The following TBCD variants were observed in gnomAD, a reference collection of about 807,000 sequenced individuals.
The protein encoded by TBCD is tubulin-specific chaperone D.
A neutral mutation model predicts 169.3 loss-of-function variants in TBCD; 105 were observed. That is an observed-to-expected ratio of 0.62 (90% CI 0.53 to 0.73). TBCD has a LOEUF of 0.73. Among genes scored for constraint, TBCD ranks in the 30% least tolerant of loss-of-function variants. The pLI, the probability that TBCD is intolerant of heterozygous loss-of-function variation, is 0.00. For missense variants in TBCD, 1,444 were observed against 1,600.1 expected (o/e 0.90, Z 1.66); for synonymous variants, 700 against 643.9 (o/e 1.09, Z -1.32).
chr17:82,752,351 G>A lies in TBCD; in HGVS notation c.158G>A (p.Arg53His). The change falls in exon 1 of 39, where the codon CGC becomes CAC. Residue 53 changes from arginine to histidine, a missense_variant. Arg to His is a conservative substitution (Grantham distance 29, BLOSUM62 0). Coordinates refer to ENST00000355528, the MANE Select transcript of TBCD (RefSeq NM_005993.5). ...LREVHGGGAE[R>H]EVALERFRVI... ...GAGGTGCACGGCGGCGGCGCGGAGC[G>A]CGAGGTGGCCCTGGAGCGGTTCCGC... 1 of 1,402,520 alleles carries A rather than the reference G, an allele frequency of 7.1e-7. No homozygotes were observed. Among genetic ancestry groups the A allele is most frequent in the Non-Finnish European group, 9.2e-7 (1 of 1,091,010 alleles). 86.9% of individuals were successfully genotyped at this position (1,402,520 alleles called of 1,614,324 possible). A position where few individuals can be genotyped will look rare whatever the true frequency, so the allele number is the denominator to read the frequency against.
At chr17:82,927,798 G>T in intron 29 of TBCD, 107 bp from the exon 30 acceptor site, 3 of 919,926 alleles carry the variant, frequency 3.3e-6, no homozygotes, top group Non-Finnish European at 5.2e-6. Flanking sequence ...TCTGTGTGGG[G>T]TTAGTCACGG....
At chr17:82,871,096 C>G (rs1420638337) in intron 14 of TBCD, among the ~76,000 whole-genome samples, 3 of 152,216 alleles carry the variant, frequency 2.0e-5, no homozygotes, top group East Asian at 3.9e-4. Context: ...ATCACCAGAA[C>G]CCCAGAAGCT....
chr17:82,929,351 C>T lies in TBCD; in HGVS notation c.2853-11C>T, dbSNP rs763953973. 6.2e-7 allele frequency: 1 copy of T among 1,611,774 alleles called. No homozygotes were observed. Among genetic ancestry groups the T allele is most frequent in the Non-Finnish European group, 8.5e-7 (1 of 1,178,474 alleles). On this transcript the variant is annotated splice_polypyrimidine_tract_variant and intron_variant, in intron 31 of 38. Transcript: ENST00000355528. ...TGGCAGCCCGGCCTTGTCTCACTCA[C>T]TCTCTTGCAGGTCCGATGTGGCCTC...
intron 13 of TBCD, among the ~76,000 whole-genome samples, chr17:82,854,450 G>A (rs1283025737): frequency 6.6e-6 from 1 of 152,216 alleles, no homozygotes; most frequent in Non-Finnish European, 1.5e-5. Context: ...GCTCCACATG[G>A]GCGAGACCTG....
chr17:82,889,611 C>G lies in TBCD; in HGVS notation c.1534-57C>G, dbSNP rs2058990010. 5 of 1,611,254 alleles carry G rather than the reference C, an allele frequency of 3.1e-6. No homozygotes were observed. The South Asian group carries it at 4.4e-5, about 14-fold the overall frequency. The stretch of plus-strand genomic sequence containing the variant: ...TGTGCTGTTTGTTCTGAACTTGCCT[C>G]TGGTGTTGGCGGAAGCTGACCTCGC... On this transcript the variant is annotated intron_variant, in intron 15 of 38. Coordinates refer to ENST00000355528, the MANE Select transcript of TBCD (RefSeq NM_005993.5). This position sits in a 1 kb window ranked among gnomAD's most constrained non-coding sequence, Gnocchi z 5.3.
chr17:82,862,270 C>G (rs1054082871), intron 13 of TBCD, among the ~76,000 whole-genome samples: 1 of 152,192 alleles, frequency 6.6e-6, no homozygotes, highest in Non-Finnish European at 1.5e-5. Context: ...TTATTTCCAT[C>G]ATTTTATATT....
At chr17:82,819,636 T>A (rs2052239945) in intron 13 of TBCD, among the ~76,000 whole-genome samples, 1 of 152,194 alleles carries the variant, frequency 6.6e-6, no homozygotes, top group Admixed American at 6.5e-5. Flanking sequence ...TGAGCCATGA[T>A]CGCAGTGCTG....
intron 2 of TBCD, among the ~76,000 whole-genome samples, chr17:82,758,382 C>CGG (rs201306976): frequency 3.7e-4 from 2 of 5,380 alleles, no homozygotes; most frequent in Admixed American, 2.8e-3. Flanking sequence ...GAAAACGTCT[C>CGG]GGAAAAAAAA....
chr17:82,782,278 G>C lies in TBCD; in HGVS notation c.771+557G>C, dbSNP rs2048997714. Reference sequence around the variant, plus strand: ...TGTGCTAACGAGGAGGAAAGGTCAAGTCTCAGAAGAGGGCAAAGCCTCTTT... The same window carrying C: ...TGTGCTAACGAGGAGGAAAGGTCAACTCTCAGAAGAGGGCAAAGCCTCTTT... On this transcript the variant is annotated intron_variant, in intron 7 of 38. Transcript: ENST00000355528. The surrounding 1 kb of genome is among the most constrained non-coding windows in gnomAD (Gnocchi z 5.1). 6.6e-6 allele frequency among the ~76,000 whole-genome samples: 1 copy of C among 152,188 alleles called. No homozygotes were observed. Among genetic ancestry groups the C allele is most frequent in the Middle Eastern group, 3.2e-3 (1 of 316 alleles).
rs768872489 is a variant in TBCD, at chr17:82,766,315, G to C, written c.382G>C (p.Asp128His). The C allele has an allele frequency of 3.4e-5, 55 of 1,613,208 alleles. No homozygotes were observed. The highest frequency in any genetic ancestry group is 1.3e-4 in the East Asian group (6 of 44,892). The part of the protein sequence containing the change: ...FLRLFPHEVA[D>H]VEPVLDLVTI... ...TCGTTTATTTCCTCATGAAGTTGCC[G>C]ATGTAGAGCCTGTTTTAGATTTGGT... Residue 128 changes from aspartate to histidine, a missense_variant, in exon 4 of 39, where the codon GAT becomes CAT. Transcript: ENST00000355528.
intron 13 of TBCD, among the ~76,000 whole-genome samples, chr17:82,863,277 C>A (rs764431852): frequency 3.9e-5 from 6 of 152,136 alleles, no homozygotes; most frequent in Non-Finnish European, 7.4e-5. Flanking sequence ...AGAAGCATTT[C>A]TTCCCAGGGC....
chr17:82,766,418 TCCTC>T, intron 4 of TBCD, 50 bp downstream of exon 4: 2 of 1,406,508 alleles, frequency 1.4e-6, no homozygotes, highest in Non-Finnish European at 2.0e-6. Context: ...TGCCTGTCCT[TCCTC>T]CCTGCTTGCC....
rs569329531 is a variant in TBCD at position 82,790,903 on chromosome 17, C to T, written c.772-6854C>T. On this transcript the variant is annotated intron_variant, in intron 7 of 38. Coordinates refer to ENST00000355528, the MANE Select transcript of TBCD (RefSeq NM_005993.5). ...GACCTCAGACGCTGGAGCCTGAGCCCCCTGCTTCCCAGGCCAATGCCCCTT... is the reference window on the plus strand; with the variant it reads ...GACCTCAGACGCTGGAGCCTGAGCCTCCTGCTTCCCAGGCCAATGCCCCTT... 6.6e-5 allele frequency among the ~76,000 whole-genome samples: 10 copies of T among 152,132 alleles called. No individual in the cohort carries two copies. The East Asian group carries it at 1.6e-3, about 24-fold the overall frequency.
In TBCD at chr17:82,929,652, T is replaced by C. The variant is rs145814173; in HGVS notation, c.2991+152T>C. On this transcript the variant is annotated intron_variant, in intron 32 of 38. Coordinates refer to ENST00000355528, the MANE Select transcript of TBCD (RefSeq NM_005993.5). The stretch of plus-strand genomic sequence containing the variant: ...TTTGGTTAGGGGGTCAGGGGCCCAG[T>C]GTCTTCCTCATGACCCAGGAGGCTT... 6 of 1,090,068 alleles carry C rather than the reference T, an allele frequency of 5.5e-6. No individual in the cohort carries two copies. In the East Asian group the frequency reaches 1.0e-4, roughly 19 times the overall value. 67.5% of individuals were successfully genotyped at this position (1,090,068 alleles called of 1,614,324 possible).
rs1291881702 is a variant in TBCD, at chr17:82,903,239, T to C, written c.1731-166T>C. Among the ~76,000 whole-genome samples, 1 of 152,214 alleles carries C rather than the reference T, an allele frequency of 6.6e-6. No individual in the cohort carries two copies. Among genetic ancestry groups the C allele is most frequent in the African/African-American group, 2.4e-5 (1 of 41,460 alleles). On this transcript the variant is annotated intron_variant, in intron 18 of 38. Transcript: ENST00000355528. This position sits in a 1 kb window ranked among gnomAD's most constrained non-coding sequence, Gnocchi z 4.8. The stretch of plus-strand genomic sequence containing the variant: ...TGTTGTAGACTGTCCTTGTCGTCTG[T>C]TGGAGTCGGAGGTTCTTGTACTGGT...
rs76196911 is a variant in TBCD, at chr17:82,906,277, G to A, written c.1922+224G>A. ...GGACCACCCACCTCTTCAGCGGGGCGGGTGCAGCACCCGGATGGGCCGGGC... is the reference window on the plus strand; with the variant it reads ...GGACCACCCACCTCTTCAGCGGGGCAGGTGCAGCACCCGGATGGGCCGGGC... On this transcript the variant is annotated intron_variant, in intron 20 of 38. Transcript: ENST00000355528. Among the ~76,000 whole-genome samples, 4,937 of 152,254 alleles carry A rather than the reference G, an allele frequency of 0.032. 275 individuals carry two copies. Among genetic ancestry groups the A allele is most frequent in the African/African-American group, 0.11 (4,650 of 41,528 alleles).
intron 19 of TBCD, among the ~76,000 whole-genome samples, chr17:82,905,034 A>G (rs2060138628): frequency 6.6e-6 from 1 of 152,182 alleles, no homozygotes; most frequent in Non-Finnish European, 1.5e-5. Flanking sequence ...GGGGAGGCTT[A>G]GGCTCGGGGA....
intron 6 of TBCD, among the ~76,000 whole-genome samples, chr17:82,773,952 A>G (rs1175633607): frequency 1.3e-5 from 2 of 150,972 alleles, no homozygotes; most frequent in African/African-American, 2.4e-5. Context: ...GATGGTCTCC[A>G]TCTCCTGACC....
chr17:82,834,286 G>A (rs948304163), intron 13 of TBCD, among the ~76,000 whole-genome samples: 1 of 152,194 alleles, frequency 6.6e-6, no homozygotes, highest in Non-Finnish European at 1.5e-5. Context: ...TGTCCACCTG[G>A]CAGCTGGGCC....
Sources: gnomAD v4.1 joint callset for allele counts (sites outside exome capture counted in the v4.1 genomes callset) on GRCh38, gnomAD v4.1.1 for gene constraint, Gnocchi (gnomAD v3.1) non-coding constraint, MANE v1.5 for transcripts, NCBI Gene and HGNC (gene_info 2026-07-23, HGNC 2026-07-21) for gene names.